Variants in ANKRD36 observed in about 807,000 individuals in gnomAD.
ANKRD36 encodes the protein ankyrin repeat domain-containing protein 36A.
ANKRD36 carries 179 observed loss-of-function variants against 278.1 expected under a neutral mutation model. The ratio of observed to expected loss-of-function variants is 0.64; its 90% CI spans 0.57 to 0.73. ANKRD36 has a LOEUF of 0.73. Ranked by LOEUF, ANKRD36 falls within the 30% of genes least tolerant of loss-of-function variation. ANKRD36 has a pLI of 0.00. For synonymous variants in ANKRD36, 320 were observed against 641.1 expected (o/e 0.50, Z 7.57); for missense variants, 1,159 against 1,956.7 (o/e 0.59, Z 7.69).
chr2:97,209,933 C>T (rs2063941086), intron 56 of ANKRD36, 61 bp downstream of exon 56: 3 of 1,526,838 alleles, frequency 2.0e-6, no homozygotes, highest in Non-Finnish European at 2.6e-6. Flanking sequence ...ATTCTCTTCC[C>T]TGAATAAATC....
At chr2:97,201,495 G>A (rs1558726868) in intron 46 of ANKRD36, among the ~76,000 whole-genome samples, 1 of 151,924 alleles carries the variant, frequency 6.6e-6, no homozygotes, top group Admixed American at 6.6e-5. Context: ...TGTCAAAATT[G>A]ATAATTGATG....
chr2:97,260,693 TCTC>T (rs1219358864), intron 75 of ANKRD36, among the ~76,000 whole-genome samples: 2 of 112,698 alleles, frequency 1.8e-5, no homozygotes, highest in African/African-American at 3.9e-5. Context: ...GGCATTGACT[TCTC>T]CTCTATAGCT....
intron 15 of ANKRD36, among the ~76,000 whole-genome samples, chr2:97,156,555 A>G (rs1243438941): frequency 9.6e-5 from 13 of 135,064 alleles, no homozygotes; most frequent in African/African-American, 3.3e-4. Context: ...TGAACTCATC[A>G]TTTTTTATGG....
chr2:97,152,204 G>C (rs1276110143), intron 13 of ANKRD36, among the ~76,000 whole-genome samples: 1 of 146,356 alleles, frequency 6.8e-6, no homozygotes. Context: ...TGTTGTCCAG[G>C]CTGGTCTCAA....
In ANKRD36 at chr2:97,196,814, C is replaced by G. The variant is rs1343305107; in HGVS notation, c.2653+26C>G. 2.6e-6 allele frequency: 4 copies of G among 1,544,224 alleles called. No individual in the cohort carries two copies. In the Admixed American group the frequency reaches 7.9e-5, roughly 30 times the overall value. On this transcript the variant is annotated intron_variant, in intron 42 of 75. Coordinates refer to ENST00000420699, the MANE Select transcript of ANKRD36 (RefSeq NM_001354587.1). ...GTAATTCTGAAAACAGATTTAATGT[C>G]ATGTTCAGTCCAGATAGATAAGAAG...
chr2:97,118,564 T>A (rs1463101543), intron 3 of ANKRD36, 47 bp downstream of exon 3: 1 of 1,407,036 alleles, frequency 7.1e-7, no homozygotes, highest in Non-Finnish European at 9.4e-7. Context: ...AATGCATTTA[T>A]TTTAACATTG....
intron 6 of ANKRD36, among the ~76,000 whole-genome samples, chr2:97,130,463 G>C (rs1427780888): frequency 3.3e-5 from 4 of 121,020 alleles, no homozygotes; most frequent in South Asian, 6.6e-4. Context: ...GGGGGAGGGG[G>C]GAGGGATAAC....
chr2:97,206,130 G>A lies in ANKRD36; in HGVS notation c.3158G>A (p.Arg1053Lys), dbSNP rs1257927069. 14 of 1,537,516 alleles carry A rather than the reference G, an allele frequency of 9.1e-6. No homozygotes were observed. In the East Asian group the frequency reaches 2.2e-4, roughly 24 times the overall value. Reference sequence around the variant, plus strand: ...GAAAACAAGGATGGAGAAAAATCTAGGACAGGTAATTCTGAAAACAGATTT... The same window carrying A: ...GAAAACAAGGATGGAGAAAAATCTAAGACAGGTAATTCTGAAAACAGATTT... The part of the protein sequence containing the change: ...ARENKDGEKS[R>K]TVSSEKPSGL... The change falls in exon 52 of 76, where the codon AGG (arginine) becomes AAG (lysine). Residue 1053 changes from arginine (R) to lysine (K), a missense_variant. Coordinates refer to ENST00000420699, the MANE Select transcript of ANKRD36 (RefSeq NM_001354587.1).
chr2:97,222,278 A>G (rs1404277834), intron 66 of ANKRD36, among the ~76,000 whole-genome samples: 10 of 151,958 alleles, frequency 6.6e-5, no homozygotes, highest in Non-Finnish European at 1.5e-4. Flanking sequence ...TTTTGGTTCC[A>G]TATGAACTTT....
intron 15 of ANKRD36, among the ~76,000 whole-genome samples, chr2:97,157,078 C>T (rs992664792): frequency 2.0e-5 from 3 of 151,428 alleles, no homozygotes; most frequent in African/African-American, 4.8e-5. Flanking sequence ...GAATAAAAAT[C>T]CTTTCTCCAG....
chr2:97,128,555 G>T (rs2153424362), intron 6 of ANKRD36, among the ~76,000 whole-genome samples: 1 of 152,064 alleles, frequency 6.6e-6, no homozygotes, highest in South Asian at 2.1e-4. Flanking sequence ...TGATTGGTAT[G>T]TCTGTTGTCC....
intron 56 of ANKRD36, among the ~76,000 whole-genome samples, chr2:97,211,181 G>T (rs1264491493): frequency 1.3e-5 from 2 of 151,874 alleles, no homozygotes; most frequent in African/African-American, 4.8e-5. Context: ...TGAAAGACAT[G>T]TGGGATCCTG....
intron 1 of ANKRD36, among the ~76,000 whole-genome samples, chr2:97,115,668 G>A (rs1439174115): frequency 6.7e-6 from 1 of 149,274 alleles, no homozygotes; most frequent in Non-Finnish European, 1.5e-5. Flanking sequence ...AAGTTTGTGA[G>A]GGTAAAGGGT....
rs750179950 is a variant in ANKRD36 at position 97,118,364 on chromosome 2, G to T, written c.333G>T (p.Glu111Asp). ...GACAGGCTGTACAACTGAGGCAGGA[G>T]GCTTGTGCAACTCTTCTGCTGCAAA... is the stretch of plus-strand genomic sequence containing the variant. The part of the protein sequence containing the change: ...PLIKAVQLRQ[E>D]ACATLLLQNG... Residue 111 changes from glutamate to aspartate, a missense_variant, in exon 3 of 76, where the codon GAG becomes GAT. Transcript: ENST00000420699. The T allele has an allele frequency of 5.0e-6, 8 of 1,609,944 alleles. No individual in the cohort carries two copies. In the East Asian group the frequency reaches 1.8e-4, roughly 36 times the overall value.
Position 97,122,910 on chromosome 2 carries a change from T to C in ANKRD36, c.510T>C (p.Phe170=), listed in dbSNP as rs1252619064. The C allele has an allele frequency of 6.5e-7, 1 of 1,543,580 alleles. No individual in the cohort carries two copies. Among genetic ancestry groups the C allele is most frequent in the Non-Finnish European group, 8.8e-7 (1 of 1,142,590 alleles). ...CSKCEYQPLL[F]AVSRRKVKMV... ...AGTGTGAATATCAGCCACTGTTATT[T>C]GCTGTGAGTCGAAGAAAAGTGAAAA... is the stretch of plus-strand genomic sequence containing the variant. Residue 170 remains phenylalanine, a synonymous_variant, in exon 4 of 76, where the codon TTT becomes TTC. Transcript: ENST00000420699.
intron 30 of ANKRD36, among the ~76,000 whole-genome samples, chr2:97,185,745 G>T (rs1368793938): frequency 6.6e-6 from 1 of 151,742 alleles, no homozygotes; most frequent in Non-Finnish European, 1.5e-5. Context: ...AAACATTGGA[G>T]AGCAGATCAA....
At chr2:97,220,776 T>TTTTTTTTTTTTTTTTTTTTTA (rs2067363847) in intron 66 of ANKRD36, among the ~76,000 whole-genome samples, 1 of 77,102 alleles carries the variant, frequency 1.3e-5, no homozygotes, top group African/African-American at 1.6e-4. Flanking sequence ...TTTTTTTTAA[T>TTTTTTTTTTTTTTTTTTTTTA]TTTTTTTTTT....
chr2:97,209,897 T>G (rs918347965), intron 56 of ANKRD36, 25 bp downstream of exon 56: 1 of 1,556,252 alleles, frequency 6.4e-7, no homozygotes, highest in African/African-American at 1.4e-5. Context: ...AGATTTAATG[T>G]CATGTTCAGT....
intron 10 of ANKRD36, among the ~76,000 whole-genome samples, chr2:97,146,194 T>G (rs1460284916): frequency 6.6e-6 from 1 of 151,988 alleles, no homozygotes; most frequent in Non-Finnish European, 1.5e-5. Context: ...CTTGAACTCC[T>G]GACCTCAAGT....
Sources: gnomAD v4.1 joint callset for allele counts (sites outside exome capture counted in the v4.1 genomes callset) on GRCh38, gnomAD v4.1.1 for gene constraint, MANE v1.5 for transcripts, NCBI Gene and HGNC (gene_info 2026-07-23, HGNC 2026-07-21) for gene names.